The following CAMK1D variants were observed in gnomAD, a reference collection of about 807,000 sequenced individuals.
CAMK1D encodes the protein calcium/calmodulin-dependent protein kinase type 1D.
CAMK1D carries 9 observed loss-of-function variants against 47.7 expected under a neutral mutation model. The ratio of observed to expected loss-of-function variants is 0.19; its 90% CI spans 0.11 to 0.33. CAMK1D has a LOEUF of 0.33. CAMK1D is among the 10% of genes least tolerant of loss of function. CAMK1D has a pLI of 1.00. For missense variants in CAMK1D, 291 were observed against 488.7 expected, an observed-to-expected ratio of 0.60 and a Z score of 3.81; for synonymous variants, 184 against 184.9, an observed-to-expected ratio of 0.99 and a Z score of 0.04.
At position 12,824,447 on chromosome 10, in the gene CAMK1D, C is replaced by CCTTTGCCT. The variant is rs746539488; in HGVS notation, c.834-15_834-8dup. 28 of 1,611,706 alleles carry CCTTTGCCT rather than the reference C, an allele frequency of 1.7e-5. No homozygotes were observed. Among genetic ancestry groups the CCTTTGCCT allele is most frequent in the Admixed American group, 3.3e-5 (2 of 59,994 alleles). ...CCAGAAGAAGCACTTCAGAGCAGCA[C>CCTTTGCCT]CTTTGCCTCTGTTTCAGGATCGCTG... On this transcript the variant is annotated splice_polypyrimidine_tract_variant and intron_variant, in intron 8 of 10. Coordinates refer to ENST00000619168, the MANE Select transcript of CAMK1D (RefSeq NM_153498.4).
chr10:12,618,150 T>C (rs1437844075), intron 2 of CAMK1D, among the ~76,000 whole-genome samples: 2 of 152,210 alleles, frequency 1.3e-5, no homozygotes, highest in Admixed American at 6.5e-5. Context: ...TGTCTCTCTC[T>C]CCTCTTCAAC....
At chr10:12,600,459 G>C (rs1445178891) in intron 2 of CAMK1D, among the ~76,000 whole-genome samples, 1 of 152,222 alleles carries the variant, frequency 6.6e-6, no homozygotes, top group African/African-American at 2.4e-5. Context: ...AGAGGGGTCA[G>C]TGAACGTGTG....
At chr10:12,641,332 A>G (rs913553690) in intron 2 of CAMK1D, among the ~76,000 whole-genome samples, 1 of 152,226 alleles carries the variant, frequency 6.6e-6, no homozygotes, top group Non-Finnish European at 1.5e-5. Context: ...TTAAAATAAT[A>G]GAAATGTGGC....
chr10:12,583,745 G>T (rs1156878475), intron 2 of CAMK1D, among the ~76,000 whole-genome samples: 1 of 151,968 alleles, frequency 6.6e-6, no homozygotes, highest in Non-Finnish European at 1.5e-5. Context: ...GGGATTACAG[G>T]TGTGCACCAC....
chr10:12,428,005 C>T (rs1020518574), intron 1 of CAMK1D, among the ~76,000 whole-genome samples: 10 of 151,756 alleles, frequency 6.6e-5, no homozygotes, highest in South Asian at 2.1e-4. Context: ...TGTGCCCAGC[C>T]GCTCTTTATT....
At chr10:12,385,223 A>G (rs774633798) in intron 1 of CAMK1D, among the ~76,000 whole-genome samples, 9 of 152,246 alleles carry the variant, frequency 5.9e-5, no homozygotes, top group Non-Finnish European at 1.2e-4. Context: ...ACATCACTAA[A>G]TGAGCCAGCC....
intron 1 of CAMK1D, among the ~76,000 whole-genome samples, chr10:12,393,730 G>C (rs1438617845): frequency 6.6e-6 from 1 of 152,230 alleles, no homozygotes; most frequent in East Asian, 1.9e-4. Context: ...TTGAGGCATG[G>C]GGAAGTGTCC....
chr10:12,519,391 G>A (rs1239954406), intron 1 of CAMK1D, among the ~76,000 whole-genome samples: 1 of 10,380 alleles, frequency 9.6e-5, no homozygotes, highest in Non-Finnish European at 1.8e-4. Context: ...GCGGCTGGCC[G>A]ACCCCCCCCC....
intron 2 of CAMK1D, among the ~76,000 whole-genome samples, chr10:12,597,788 G>A (rs1838188106): frequency 6.6e-6 from 1 of 152,156 alleles, no homozygotes. Context: ...AAAGATGAAG[G>A]AGCCCTGTAT....
chr10:12,523,343 G>A (rs1284104806), intron 1 of CAMK1D, among the ~76,000 whole-genome samples: 5 of 152,038 alleles, frequency 3.3e-5, no homozygotes. Flanking sequence ...CAGACAGGGT[G>A]GTGGCCGGGC....
chr10:12,554,958 G>C (rs1478840595), intron 2 of CAMK1D, among the ~76,000 whole-genome samples: 1 of 152,190 alleles, frequency 6.6e-6, no homozygotes, highest in Non-Finnish European at 1.5e-5. Context: ...CATCTCCAAA[G>C]GTTTGGGGGA....
chr10:12,356,721 C>CAAAA (rs71384311), intron 1 of CAMK1D, among the ~76,000 whole-genome samples: 40 of 74,876 alleles, frequency 5.3e-4, no homozygotes, highest in African/African-American at 8.9e-4. Context: ...GACTCCATTT[C>CAAAA]AAAAAAAAAA....
intron 1 of CAMK1D, among the ~76,000 whole-genome samples, chr10:12,380,024 C>T (rs950658554): frequency 3.3e-5 from 5 of 151,748 alleles, no homozygotes; most frequent in African/African-American, 1.2e-4. Context: ...ACCATCCTGC[C>T]TAACACGGTG....
At chr10:12,416,987 G>T (rs947198826) in intron 1 of CAMK1D, among the ~76,000 whole-genome samples, 1 of 152,112 alleles carries the variant, frequency 6.6e-6, no homozygotes, top group African/African-American at 2.4e-5. Flanking sequence ...GGGGCCCGGG[G>T]TCACACTGCT....
chr10:12,599,146 C>T (rs1353979792), intron 2 of CAMK1D, among the ~76,000 whole-genome samples: 1 of 152,158 alleles, frequency 6.6e-6, no homozygotes, highest in African/African-American at 2.4e-5. Flanking sequence ...ATTTGTTGAA[C>T]AGTTAGGCTA....
chr10:12,646,491 A>T (rs1839814006), intron 2 of CAMK1D, among the ~76,000 whole-genome samples: 1 of 152,190 alleles, frequency 6.6e-6, no homozygotes, highest in Admixed American at 6.5e-5. Flanking sequence ...GAGCTTAAGA[A>T]TGAGACAGTC....
At chr10:12,418,093 G>A (rs1314985590) in intron 1 of CAMK1D, among the ~76,000 whole-genome samples, 1 of 152,178 alleles carries the variant, frequency 6.6e-6, no homozygotes, top group African/African-American at 2.4e-5. Flanking sequence ...GAGCCACCAC[G>A]CCTGGCCTCG....
intron 5 of CAMK1D, among the ~76,000 whole-genome samples, chr10:12,771,301 G>C (rs1276138261): frequency 2.0e-5 from 3 of 152,228 alleles, no homozygotes; most frequent in African/African-American, 7.2e-5. Flanking sequence ...CCACCTGAGA[G>C]AGGAGGTATG....
intron 1 of CAMK1D, among the ~76,000 whole-genome samples, chr10:12,490,859 G>A (rs1255993925): frequency 3.9e-5 from 6 of 152,094 alleles, no homozygotes; most frequent in Admixed American, 6.5e-5. Flanking sequence ...TCCTAAATAC[G>A]CTGATTTGGT....
Sources: gnomAD v4.1 joint callset for allele counts (sites outside exome capture counted in the v4.1 genomes callset) on GRCh38, gnomAD v4.1.1 for gene constraint, MANE v1.5 for transcripts, NCBI Gene and HGNC (gene_info 2026-07-23, HGNC 2026-07-21) for gene names.